Variants in PPEF1 observed in about 807,000 individuals in gnomAD.
PPEF1 encodes the protein serine/threonine-protein phosphatase with EF-hands 1.
Under a neutral mutation model 53.3 loss-of-function variants are expected in PPEF1, and 12 were observed. The observed-to-expected ratio is 0.23, with a 90% CI of 0.14 to 0.36. The LOEUF (loss-of-function observed/expected upper bound fraction) is 0.36. Ranked by LOEUF, PPEF1 falls within the 10% of genes least tolerant of loss-of-function variation. The pLI is 1.00. For synonymous variants in PPEF1, 165 were observed against 176.7 expected (o/e 0.93, Z 0.52); for missense variants, 334 against 490.4 (o/e 0.68, Z 3.01).
chrX:18,721,366 A>G (rs2147336337), intron 1 of PPEF1, among the ~76,000 whole-genome samples: 1 of 112,248 alleles, frequency 8.9e-6, no homozygotes, highest in South Asian at 3.7e-4. Context: ...TTATTTTCAA[A>G]TAGCCTTTAG....
rs1046052426 is a variant in PPEF1, at chrX:18,796,715, C to G, written c.1066-7177C>G. Among the ~76,000 whole-genome samples, 4 of 111,343 alleles carry G rather than the reference C, an allele frequency of 3.6e-5. No homozygotes were observed. The East Asian group carries it at 1.1e-3, about 31-fold the overall frequency. On this transcript the variant is annotated intron_variant, in intron 10 of 15. Transcript: ENST00000470157. The stretch of plus-strand genomic sequence containing the variant: ...ATGAGGAGAGAGAGAAGTGGGGAGA[C>G]AGACTGAGGGAGAAATGGAATTCAT...
chrX:18,741,771 T>G (rs1241822367), intron 3 of PPEF1, among the ~76,000 whole-genome samples: 85 of 102,161 alleles, frequency 8.3e-4, no homozygotes, highest in Non-Finnish European at 1.4e-3. Flanking sequence ...GGCTGCTGCT[T>G]CTTTTTTTTT....
At position 18,730,253 on chromosome X, in the gene PPEF1, A is replaced by G; in HGVS notation, c.119A>G (p.Tyr40Cys). The G allele has an allele frequency of 8.3e-7, 1 of 1,210,083 alleles. No individual in the cohort carries two copies. The highest frequency in any genetic ancestry group is 1.1e-6 in the Non-Finnish European group (1 of 893,877). ...YKARLKARQHYALTIFQSIEY... is the reference protein window; with the variant it reads ...YKARLKARQHCALTIFQSIEY... ...GCTCGACTGAAGGCCAGACAACACT[A>G]TGCCCTCACCATCTTCCAGTCCATC... The change falls in exon 2 of 16, where the codon TAT becomes TGT. Residue 40 changes from tyrosine (Y) to cysteine (C), a missense_variant. Tyr to Cys is a radical substitution (Grantham distance 194, BLOSUM62 -2). Transcript: ENST00000470157.
At chrX:18,721,793 G>A (rs1365482078) in intron 1 of PPEF1, among the ~76,000 whole-genome samples, 1 of 112,279 alleles carries the variant, frequency 8.9e-6, no homozygotes, top group East Asian at 2.8e-4. Flanking sequence ...TGTCTCACTG[G>A]AAGGCCAGAG....
At chrX:18,695,335 T>C (rs1377494506) in intron 4 of PPEF1, among the ~76,000 whole-genome samples, 2 of 112,692 alleles carry the variant, frequency 1.8e-5, no homozygotes, top group Non-Finnish European at 3.7e-5. Flanking sequence ...AGACAGAAAA[T>C]CACAGTCTTT....
intron 6 of PPEF1, among the ~76,000 whole-genome samples, chrX:18,772,470 T>G (rs1255727589): frequency 1.8e-5 from 2 of 112,063 alleles, no homozygotes; most frequent in East Asian, 5.6e-4. Context: ...TCATTTTTTT[T>G]GTTGCGTCTC....
upstream of PPEF1, among the ~76,000 whole-genome samples, chrX:18,706,818 CTTTTT>C (rs767459911): frequency 4.3e-5 from 2 of 46,299 alleles, no homozygotes; most frequent in Non-Finnish European, 8.2e-5. Flanking sequence ...TTCAAACCTC[CTTTTT>C]TTTTTTTTTT....
At chrX:18,782,814 G>A (rs760625804) in intron 8 of PPEF1, among the ~76,000 whole-genome samples, 161 of 110,850 alleles carry the variant, frequency 1.5e-3, no homozygotes, top group African/African-American at 5.0e-3. Flanking sequence ...ACCAGAGTTG[G>A]TCAGAAGGCA....
chrX:18,736,035 C>T (rs1381645938), intron 3 of PPEF1, among the ~76,000 whole-genome samples: 1 of 111,740 alleles, frequency 8.9e-6, no homozygotes, highest in Non-Finnish European at 1.9e-5. Flanking sequence ...TGGGCTGAGA[C>T]AATGGGGTTT....
chrX:18,758,281 T>A (rs1225833379), intron 5 of PPEF1, among the ~76,000 whole-genome samples: 1 of 111,174 alleles, frequency 9.0e-6, no homozygotes, highest in Non-Finnish European at 1.9e-5. Context: ...GGCAGGATAT[T>A]GCTTCAAGAA....
intron 6 of PPEF1, among the ~76,000 whole-genome samples, chrX:18,700,588 G>A (rs1287671443): frequency 9.0e-6 from 1 of 111,322 alleles, no homozygotes; most frequent in Admixed American, 9.6e-5. Flanking sequence ...AAAAATGCTG[G>A]TTGTAAATCA....
intron 6 of PPEF1, among the ~76,000 whole-genome samples, chrX:18,762,995 C>G (rs1028882234): frequency 2.7e-5 from 3 of 111,353 alleles, no homozygotes; most frequent in Non-Finnish European, 5.7e-5. Context: ...AGGGAGAAGG[C>G]CTGGAAATTA....
chrX:18,773,484 C>A (rs1218178153), intron 6 of PPEF1, among the ~76,000 whole-genome samples: 1 of 111,681 alleles, frequency 9.0e-6, no homozygotes, highest in Non-Finnish European at 1.9e-5. Context: ...TTTAACACAG[C>A]CTGGTAATCT....
chrX:18,815,082 G>A (rs947487131), intron 12 of PPEF1, among the ~76,000 whole-genome samples: 13 of 111,422 alleles, frequency 1.2e-4, no homozygotes, highest in Admixed American at 7.7e-4. Flanking sequence ...AGTTATCCCC[G>A]TGTCATTTAT....
chrX:18,708,445 G>A lies in PPEF1; in HGVS notation c.46+619G>A, dbSNP rs188934415. Among the ~76,000 whole-genome samples, 629 of 112,033 alleles carry A rather than the reference G, an allele frequency of 5.6e-3. 3 individuals carry two copies. The highest frequency in any genetic ancestry group is 9.4e-3 in the Non-Finnish European group (500 of 53,211). On this transcript the variant is annotated intron_variant, in intron 1 of 15. Transcript: ENST00000470157. ...CTGAGGTTCTTTCTCATGGCTATTG[G>A]CATCTAGTTGAAACAAACTTGAGCA...
upstream of PPEF1, among the ~76,000 whole-genome samples, chrX:18,680,317 G>A (rs1469234977): frequency 9.1e-6 from 1 of 109,660 alleles, no homozygotes; most frequent in Non-Finnish European, 1.9e-5. Context: ...TCTTCTCAGT[G>A]AGGCCTTTCC....
chrX:18,695,394 T>G (rs1929656561), intron 4 of PPEF1, among the ~76,000 whole-genome samples: 1 of 112,635 alleles, frequency 8.9e-6, no homozygotes. Context: ...CCATGCTCAA[T>G]TGATTAGAAG....
In PPEF1 at chrX:18,707,680, G is replaced by A. The variant is rs920442399; in HGVS notation, c.-101G>A. On this transcript the variant is annotated 5_prime_UTR_variant, in exon 1 of 16. Transcript: ENST00000470157. The stretch of plus-strand genomic sequence containing the variant: ...TTAGAATCTATGACTGAAGAGGATC[G>A]GCTAAGAGTGGTTCCTCGCAGCTTA... The A allele has an allele frequency of 2.7e-6, 2 of 736,142 alleles. No individual in the cohort carries two copies. The highest frequency in any genetic ancestry group is 2.4e-5 in the Admixed American group (1 of 41,490). The allele number at this position is 736,142 out of a possible 1,213,427, so 60.7% of individuals were successfully genotyped here.
At chrX:18,691,674 T>A (rs1929391266) in intron 4 of PPEF1, 2 of 112,165 alleles carry the variant, frequency 1.8e-5, no homozygotes, top group Non-Finnish European at 3.8e-5. Flanking sequence ...GATGTCAATC[T>A]GAGATACATG....
Sources: allele counts gnomAD v4.1 joint callset (sites outside exome capture counted in the v4.1 genomes callset), GRCh38; gene constraint gnomAD v4.1.1; transcripts MANE v1.5; gene names NCBI Gene and HGNC (gene_info 2026-07-23, HGNC 2026-07-21).